Variants in TNS1 observed in about 807,000 individuals in gnomAD.
TNS1 encodes tensin-1.
TNS1 carries 62 observed loss-of-function variants against 168.6 expected under a neutral mutation model. That is an observed-to-expected ratio of 0.37 (90% CI 0.30 to 0.45). The LOEUF (loss-of-function observed/expected upper bound fraction) is 0.45, where lower values mean the gene tolerates loss of function less well. Among genes scored for constraint, TNS1 ranks in the 20% least tolerant of loss-of-function variants. TNS1 has a pLI of 1.00. For synonymous variants in TNS1, 934 were observed against 933.2 expected, an observed-to-expected ratio of 1.00 and a Z score of -0.02; for missense variants, 2,240 against 2,339.4, an observed-to-expected ratio of 0.96 and a Z score of 0.88.
chr2:217,928,993 C>T (rs966728774), intron 3 of TNS1, among the ~76,000 whole-genome samples: 3 of 152,176 alleles, frequency 2.0e-5, no homozygotes, highest in Admixed American at 6.5e-5. Flanking sequence ...CAGACCTGAA[C>T]GAGGCAGGGA....
intron 27 of TNS1, among the ~76,000 whole-genome samples, chr2:217,812,695 G>T (rs1309887937): frequency 6.6e-6 from 1 of 152,104 alleles, no homozygotes; most frequent in African/African-American, 2.4e-5. Context: ...TCCTAACATC[G>T]CTCCTAATGC....
intron 6 of TNS1, 95 bp from the exon 7 acceptor site, chr2:217,900,607 C>G: frequency 7.7e-7 from 1 of 1,293,868 alleles, no homozygotes; most frequent in Non-Finnish European, 1.1e-6. Context: ...AAACATGATC[C>G]TCTTCTTTCC....
chr2:217,874,111 G>A (rs1187762289), intron 18 of TNS1, among the ~76,000 whole-genome samples: 2 of 150,668 alleles, frequency 1.3e-5, no homozygotes, highest in East Asian at 2.0e-4. Flanking sequence ...AGCACTGGGC[G>A]TATTTATTTA....
intron 4 of TNS1, among the ~76,000 whole-genome samples, chr2:217,918,959 C>A (rs1411549302): frequency 6.7e-6 from 1 of 150,024 alleles, no homozygotes; most frequent in Non-Finnish European, 1.5e-5. Context: ...CCTAGTGAGA[C>A]CAGGGAAGGA....
Position 217,818,237 on chromosome 2 carries a change from G to T in TNS1, c.4095C>A (p.Asn1365Lys). Reference sequence around the variant, plus strand: ...GACTCCCCGGGGTGGTGGCCACTTTGTTGTGGAGGCCAGAAACCTGGTAGA... The same window carrying T: ...GACTCCCCGGGGTGGTGGCCACTTTTTTGTGGAGGCCAGAAACCTGGTAGA... ...AGVYQVSGLH[N>K]KVATTPGSPS... Residue 1365 changes from asparagine (N) to lysine (K), a missense_variant, in exon 24 of 33, where the codon AAC becomes AAA. Physicochemically the swap from Asn to Lys is moderately conservative, Grantham distance 94. Coordinates refer to ENST00000682258, the MANE Select transcript of TNS1 (RefSeq NM_001387777.1). 2 of 1,613,940 alleles carry T rather than the reference G, an allele frequency of 1.2e-6. No homozygotes were observed. The highest frequency in any genetic ancestry group is 1.7e-6 in the Non-Finnish European group (2 of 1,179,926).
chr2:217,878,219 C>T (rs1439021571), intron 18 of TNS1, among the ~76,000 whole-genome samples: 1 of 152,216 alleles, frequency 6.6e-6, no homozygotes, highest in Admixed American at 6.5e-5. Flanking sequence ...ACACCCCCCT[C>T]GCCTAACCCT....
At chr2:217,917,865 A>G (rs1279652549) in intron 4 of TNS1, among the ~76,000 whole-genome samples, 1 of 146,046 alleles carries the variant, frequency 6.8e-6, no homozygotes, top group Non-Finnish European at 1.5e-5. Flanking sequence ...CGACTGGGGG[A>G]AAAGCCTTGT....
chr2:217,805,055 T>C (rs910212355), intron 32 of TNS1, among the ~76,000 whole-genome samples: 2 of 150,114 alleles, frequency 1.3e-5, no homozygotes, highest in Non-Finnish European at 3.0e-5. Flanking sequence ...CACCACAAGG[T>C]CAGGGAGACA....
intron 22 of TNS1, among the ~76,000 whole-genome samples, chr2:217,829,646 C>T (rs1944123116): frequency 6.6e-6 from 1 of 152,192 alleles, no homozygotes; most frequent in African/African-American, 2.4e-5. Context: ...CTGGCAGCTA[C>T]AAGCTCCCCC....
chr2:217,830,046 G>A (rs1413159766), intron 22 of TNS1: 1 of 949,792 alleles, frequency 1.1e-6, no homozygotes, highest in Admixed American at 6.2e-5. Flanking sequence ...GAAAGCTGGG[G>A]TGAGGCCAGG....
chr2:217,959,526 A>G (rs1047885610), intron 3 of TNS1, among the ~76,000 whole-genome samples: 4 of 151,396 alleles, frequency 2.6e-5, no homozygotes, highest in Non-Finnish European at 2.9e-5. Context: ...TTAGCATGGA[A>G]TCTTATCATG....
At chr2:217,965,616 C>T (rs1226282910) in intron 3 of TNS1, among the ~76,000 whole-genome samples, 1 of 152,168 alleles carries the variant, frequency 6.6e-6, no homozygotes, top group Admixed American at 6.5e-5. Flanking sequence ...GCATCCTGGG[C>T]CTCCCTCCAC....
chr2:217,960,535 G>T (rs1313431595), intron 3 of TNS1, among the ~76,000 whole-genome samples: 1 of 152,132 alleles, frequency 6.6e-6, no homozygotes, highest in African/African-American at 2.4e-5. Context: ...GATGGCCCAT[G>T]CTGTTTTCCA....
intron 1 of TNS1, among the ~76,000 whole-genome samples, chr2:218,017,102 GGACAA>G (rs1203053954): frequency 8.5e-5 from 13 of 152,280 alleles, no homozygotes; most frequent in African/African-American, 3.1e-4. Flanking sequence ...ACCACGGAAG[GGACAA>G]ACCCAGTGGG....
intron 22 of TNS1, among the ~76,000 whole-genome samples, chr2:217,822,503 C>A (rs546955442): frequency 3.6e-4 from 55 of 152,320 alleles, no homozygotes; most frequent in Non-Finnish European, 6.0e-4. Flanking sequence ...GATGCCAAGA[C>A]ACACCCACCC....
At position 217,812,465 on chromosome 2, in the gene TNS1, A is replaced by G. The variant is rs1941104365; in HGVS notation, c.4955-20T>C. The G allele has an allele frequency of 6.2e-7, 1 of 1,611,352 alleles. No individual in the cohort carries two copies. Among genetic ancestry groups the G allele is most frequent in the Non-Finnish European group, 8.5e-7 (1 of 1,177,662 alleles). ...GCGATCCTGTAGGGAGGCAGACGGC[A>G]TGTCATGGGCAGTGATACTGGAAGC... On this transcript the variant is annotated intron_variant, in intron 27 of 32. Transcript: ENST00000682258.
At chr2:218,020,058 C>T (rs931338353) in intron 1 of TNS1, among the ~76,000 whole-genome samples, 2 of 152,142 alleles carry the variant, frequency 1.3e-5, no homozygotes, top group Non-Finnish European at 2.9e-5. Flanking sequence ...TGTTGACTCT[C>T]GCTCTGTCTT....
At chr2:218,009,897 G>A (rs1331945769) in intron 1 of TNS1, among the ~76,000 whole-genome samples, 2 of 152,164 alleles carry the variant, frequency 1.3e-5, no homozygotes, top group Non-Finnish European at 2.9e-5. Flanking sequence ...TCCCCTTCCC[G>A]GATCCCAGCA....
At chr2:217,932,594 C>T (rs184979559) in intron 3 of TNS1, among the ~76,000 whole-genome samples, 19 of 150,872 alleles carry the variant, frequency 1.3e-4, no homozygotes, top group South Asian at 4.2e-4. Context: ...TCTCAAAGCA[C>T]GTAATCTTCA....
Sources: allele counts gnomAD v4.1 joint callset (sites outside exome capture counted in the v4.1 genomes callset), GRCh38; gene constraint gnomAD v4.1.1; transcripts MANE v1.5; gene names NCBI Gene and HGNC (gene_info 2026-07-23, HGNC 2026-07-21).